The following GAD2 variants were observed in gnomAD, a reference collection of about 807,000 sequenced individuals.
GAD2 encodes the protein glutamate decarboxylase 2, also known as 65 kDa glutamic acid decarboxylase.
Under a neutral mutation model 80.1 loss-of-function variants are expected in GAD2, and 22 were observed. The observed-to-expected ratio is 0.27, with a 90% CI of 0.20 to 0.39. GAD2 has a LOEUF of 0.39. GAD2 is among the 10% of genes least tolerant of loss of function. GAD2 has a pLI of 1.00. For missense variants in GAD2, 624 were observed against 738.4 expected (o/e 0.85, Z 1.80); for synonymous variants, 274 against 256.9 (o/e 1.07, Z -0.64).
intron 7 of GAD2, among the ~76,000 whole-genome samples, chr10:26,237,311 G>A (rs530630522): frequency 9.9e-5 from 15 of 152,258 alleles, no homozygotes; most frequent in African/African-American, 3.4e-4. Flanking sequence ...TGTGAGCTTT[G>A]GAATTGATGA....
Position 26,269,171 on chromosome 10 carries a change from A to C in GAD2, c.973A>C (p.Lys325Gln). ...LERRILEAKQ[K>Q]GFVPFLVSAT... The stretch of plus-strand genomic sequence containing the variant: ...AAGAAGGATTCTTGAAGCCAAACAG[A>C]AAGTAAGTTTCTGCCGGGAGCTTTA... The change falls in exon 9 of 16, where the codon AAA becomes CAA. Residue 325 changes from lysine to glutamine, a missense_variant and splice_region_variant. Physicochemically the swap from Lys to Gln is moderately conservative, Grantham distance 53 (BLOSUM62 1). Transcript: ENST00000376261. 1 of 1,596,630 alleles carries C rather than the reference A, an allele frequency of 6.3e-7. No homozygotes were observed. Among genetic ancestry groups the C allele is most frequent in the Non-Finnish European group, 8.5e-7 (1 of 1,170,606 alleles).
intron 7 of GAD2, among the ~76,000 whole-genome samples, chr10:26,231,375 T>C (rs954505536): frequency 1.3e-5 from 2 of 152,194 alleles, no homozygotes; most frequent in Non-Finnish European, 2.9e-5. Flanking sequence ...TGTGTCTGTC[T>C]CTGTGTGTGT....
rs1483926932 is a variant in GAD2, at chr10:26,273,710, A to G, written c.1157+10A>G. On this transcript the variant is annotated intron_variant, in intron 11 of 15. Transcript: ENST00000376261. ...TGAGTGGCGTGGAGAGGTATGTTGC[A>G]TTTTTCTTATTAACAACATAAAGTG... 2.5e-6 allele frequency: 4 copies of G among 1,609,462 alleles called. No homozygotes were observed. The African/African-American group carries it at 4.0e-5, about 16-fold the overall frequency.
intron 8 of GAD2, among the ~76,000 whole-genome samples, chr10:26,256,702 G>A (rs900415012): frequency 4.6e-5 from 7 of 152,200 alleles, no homozygotes; most frequent in African/African-American, 1.7e-4. Context: ...TGGCTTTCTT[G>A]AGTGCATCTC....
intron 8 of GAD2, among the ~76,000 whole-genome samples, chr10:26,248,261 G>A (rs536936831): frequency 3.9e-5 from 6 of 152,320 alleles, no homozygotes; most frequent in African/African-American, 1.2e-4. Context: ...GGACATAGGC[G>A]AATTCAAAGG....
In GAD2 at chr10:26,217,858, C is replaced by A; in HGVS notation, c.153C>A (p.Asp51Glu). ...CTTACCCAGCCCTGCTCTACGGAGA[C>A]GCCGAGAAGCCGGCGGAGAGCGGCG... Reference protein sequence around the residue: ...GNKLCALLYGDAEKPAESGGS... With the variant: ...GNKLCALLYGEAEKPAESGGS... The change falls in exon 3 of 16, where the codon GAC becomes GAA. Residue 51 changes from aspartate to glutamate, a missense_variant. Physicochemically the swap from Asp to Glu is conservative, Grantham distance 45. Transcript: ENST00000376261. The surrounding 1 kb of genome is among the most constrained non-coding windows in gnomAD (Gnocchi z 4.9). 2 of 1,605,946 alleles carry A rather than the reference C, an allele frequency of 1.2e-6. No homozygotes were observed. Among genetic ancestry groups the A allele is most frequent in the South Asian group, 1.1e-5 (1 of 90,410 alleles).
intron 7 of GAD2, among the ~76,000 whole-genome samples, chr10:26,238,044 ACAC>A (rs1844696963): frequency 6.6e-6 from 1 of 150,780 alleles, no homozygotes; most frequent in Non-Finnish European, 1.5e-5. Context: ...ACACACACAC[ACAC>A]AAGAAAAGAA....
chr10:26,251,979 C>T (rs1456540823), intron 8 of GAD2, among the ~76,000 whole-genome samples: 4 of 152,174 alleles, frequency 2.6e-5, no homozygotes, highest in Non-Finnish European at 4.4e-5. Context: ...AAAACACTCT[C>T]GGCAGCCATT....
chr10:26,248,841 G>A (rs1202443553), intron 8 of GAD2, among the ~76,000 whole-genome samples: 1 of 152,106 alleles, frequency 6.6e-6, no homozygotes, highest in African/African-American at 2.4e-5. Context: ...TTTCTTTTGG[G>A]GCAAGGAGAG....
intron 8 of GAD2, among the ~76,000 whole-genome samples, chr10:26,265,462 C>A (rs1845061774): frequency 6.6e-6 from 1 of 152,114 alleles, no homozygotes; most frequent in African/African-American, 2.4e-5. Flanking sequence ...CTCAGCCTCC[C>A]AAATTACTGG....
At chr10:26,275,818 A>G (rs1374072050) in intron 11 of GAD2, among the ~76,000 whole-genome samples, 1 of 152,176 alleles carries the variant, frequency 6.6e-6, no homozygotes, top group Non-Finnish European at 1.5e-5. Context: ...CCCCAAATCC[A>G]GAGGATCCTT....
chr10:26,224,806 C>A (rs1295283200), intron 6 of GAD2, 155 bp downstream of exon 6: 3 of 601,512 alleles, frequency 5.0e-6, no homozygotes, highest in Admixed American at 3.1e-5. Context: ...GTGCACATGA[C>A]CATTGAACAT....
At chr10:26,256,263 G>T (rs527579896) in intron 8 of GAD2, among the ~76,000 whole-genome samples, 42 of 151,352 alleles carry the variant, frequency 2.8e-4, no homozygotes, top group East Asian at 1.4e-3. Flanking sequence ...TATATATATA[G>T]AGAGAGAACC....
chr10:26,240,663 C>T (rs911088402), intron 7 of GAD2, among the ~76,000 whole-genome samples: 3 of 150,328 alleles, frequency 2.0e-5, no homozygotes, highest in Admixed American at 6.7e-5. Context: ...ACCCAGGAGG[C>T]GGAGGTTGCA....
intron 7 of GAD2, among the ~76,000 whole-genome samples, chr10:26,236,578 G>A (rs996454024): frequency 1.3e-5 from 2 of 152,178 alleles, no homozygotes; most frequent in Non-Finnish European, 2.9e-5. Flanking sequence ...TGGAATTACA[G>A]GCGTGAGCCA....
intron 8 of GAD2, among the ~76,000 whole-genome samples, chr10:26,263,518 G>A (rs2132300150): frequency 1.3e-5 from 2 of 152,240 alleles, no homozygotes; most frequent in South Asian, 4.2e-4. Context: ...AGAAATCTCT[G>A]GTAATTTTTA....
At chr10:26,258,420 G>T (rs1175453803) in intron 8 of GAD2, among the ~76,000 whole-genome samples, 1 of 152,084 alleles carries the variant, frequency 6.6e-6, no homozygotes, top group Non-Finnish European at 1.5e-5. Flanking sequence ...ATTTTTAATT[G>T]TGCATTTCAG....
intron 7 of GAD2, among the ~76,000 whole-genome samples, chr10:26,240,455 C>T (rs1455086844): frequency 6.6e-6 from 1 of 152,084 alleles, no homozygotes; most frequent in Non-Finnish European, 1.5e-5. Flanking sequence ...GGTTTACCTA[C>T]ATATATTTTT....
chr10:26,297,150 C>T (rs376071961), intron 15 of GAD2, among the ~76,000 whole-genome samples: 35 of 152,238 alleles, frequency 2.3e-4, no homozygotes, highest in Middle Eastern at 3.4e-3. Context: ...TGGTCTCGAA[C>T]GCCTGACCTT....
Sources: gnomAD v4.1 joint callset for allele counts (sites outside exome capture counted in the v4.1 genomes callset) on GRCh38, gnomAD v4.1.1 for gene constraint, Gnocchi (gnomAD v3.1) non-coding constraint, MANE v1.5 for transcripts, NCBI Gene and HGNC (gene_info 2026-07-23, HGNC 2026-07-21) for gene names.